Variants in MGMT observed in about 807,000 individuals in gnomAD.
MGMT encodes the protein O-6-methylguanine-DNA methyltransferase, also known as methylated-DNA--protein-cysteine methyltransferase.
Under a neutral mutation model 15.9 loss-of-function variants are expected in MGMT, and 14 were observed. The observed-to-expected ratio is 0.88, with a 90% CI of 0.58 to 1.37. MGMT has a LOEUF of 1.37. MGMT is among the 40% of genes most tolerant of loss of function. MGMT has a pLI of 0.00. For synonymous variants in MGMT, 130 were observed against 118.2 expected, an observed-to-expected ratio of 1.10 and a Z score of -0.65; for missense variants, 282 against 268.1, an observed-to-expected ratio of 1.05 and a Z score of -0.36.
chr10:129,722,231 G>A (rs984930722), intron 3 of MGMT, among the ~76,000 whole-genome samples: 1 of 152,048 alleles, frequency 6.6e-6, no homozygotes, highest in African/African-American at 2.4e-5. Flanking sequence ...AACATAAAAT[G>A]TATTCTATTT....
intron 2 of MGMT, among the ~76,000 whole-genome samples, chr10:129,581,080 G>A (rs1846549400): frequency 6.6e-6 from 1 of 152,326 alleles, no homozygotes; most frequent in Middle Eastern, 3.4e-3. Flanking sequence ...ATGCTACTTT[G>A]TAAGATAAGA....
intron 2 of MGMT, among the ~76,000 whole-genome samples, chr10:129,555,286 G>A (rs985685230): frequency 1.3e-5 from 2 of 152,138 alleles, no homozygotes; most frequent in African/African-American, 4.8e-5. Flanking sequence ...CTTTGAGCCC[G>A]CTCTGCCCGA....
intron 2 of MGMT, among the ~76,000 whole-genome samples, chr10:129,614,791 C>G (rs12777397): frequency 0.054 from 8,253 of 152,210 alleles, 315 homozygotes; most frequent in Middle Eastern, 0.082. Flanking sequence ...GGGCATTTTT[C>G]TGGTGTTCAA....
chr10:129,568,387 C>G (rs1036542779), intron 2 of MGMT, among the ~76,000 whole-genome samples: 2 of 152,182 alleles, frequency 1.3e-5, no homozygotes, highest in African/African-American at 2.4e-5. Flanking sequence ...AGCCCTCACT[C>G]AGGAAGCCCT....
chr10:129,661,573 T>C (rs1847598378), intron 2 of MGMT, among the ~76,000 whole-genome samples: 1 of 152,280 alleles, frequency 6.6e-6, no homozygotes, highest in South Asian at 2.1e-4. Context: ...TTTGCTTTTT[T>C]CGATTGTTTC....
At chr10:129,621,176 C>A (rs1847086434) in intron 2 of MGMT, among the ~76,000 whole-genome samples, 1 of 152,164 alleles carries the variant, frequency 6.6e-6, no homozygotes, top group Non-Finnish European at 1.5e-5. Flanking sequence ...CCACACTGGG[C>A]AGGGTGACTG....
chr10:129,753,184 G>A (rs1441302288), intron 3 of MGMT, among the ~76,000 whole-genome samples: 1 of 152,152 alleles, frequency 6.6e-6, no homozygotes, highest in Non-Finnish European at 1.5e-5. Flanking sequence ...AGTTTCTGAT[G>A]AGAATTCCAC....
chr10:129,704,375 A>T (rs1848134938), intron 2 of MGMT, among the ~76,000 whole-genome samples: 1 of 151,996 alleles, frequency 6.6e-6, no homozygotes, highest in East Asian at 1.9e-4. Context: ...TTGTGACGGG[A>T]CCGACAAGGG....
At chr10:129,589,970 G>A (rs770859498) in intron 2 of MGMT, among the ~76,000 whole-genome samples, 2 of 152,240 alleles carry the variant, frequency 1.3e-5, no homozygotes, top group Non-Finnish European at 2.9e-5. Context: ...GGAAGCCCTG[G>A]TTTGGGGTGA....
chr10:129,738,458 A>G (rs541526346), intron 3 of MGMT, among the ~76,000 whole-genome samples: 23 of 152,194 alleles, frequency 1.5e-4, no homozygotes, highest in African/African-American at 4.3e-4. Context: ...ACTGTCTGGC[A>G]CTCCCTAGTG....
At chr10:129,580,623 C>G (rs1379600938) in intron 2 of MGMT, among the ~76,000 whole-genome samples, 1 of 152,184 alleles carries the variant, frequency 6.6e-6, no homozygotes, top group Non-Finnish European at 1.5e-5. Context: ...AGACTGTGAG[C>G]CTGGGCTTCT....
intron 3 of MGMT, among the ~76,000 whole-genome samples, chr10:129,731,004 A>T (rs537463066): frequency 6.6e-6 from 1 of 152,310 alleles, no homozygotes; most frequent in South Asian, 2.1e-4. Context: ...AGCTTCAAGG[A>T]TGTGGTGCCT....
At chr10:129,497,073 T>G (rs1005047915) in intron 1 of MGMT, among the ~76,000 whole-genome samples, 6 of 152,140 alleles carry the variant, frequency 3.9e-5, no homozygotes, top group Non-Finnish European at 7.3e-5. Flanking sequence ...GTTTCTGATT[T>G]TAATAGGGGG....
chr10:129,580,122 G>A (rs1240305500), intron 2 of MGMT, among the ~76,000 whole-genome samples: 2 of 152,212 alleles, frequency 1.3e-5, no homozygotes, highest in Non-Finnish European at 2.9e-5. Context: ...GCGGGTTTTT[G>A]TTCTGAAGCC....
At chr10:129,650,900 C>A (rs1847449911) in intron 2 of MGMT, among the ~76,000 whole-genome samples, 1 of 152,172 alleles carries the variant, frequency 6.6e-6, no homozygotes, top group Admixed American at 6.5e-5. Context: ...GCTGCCCCTG[C>A]CTGCCATGGC....
chr10:129,645,354 T>C (rs2133092957), intron 2 of MGMT, among the ~76,000 whole-genome samples: 1 of 152,226 alleles, frequency 6.6e-6, no homozygotes, highest in South Asian at 2.1e-4. Context: ...ACTCCTGACC[T>C]CAGGTGATCC....
intron 3 of MGMT, among the ~76,000 whole-genome samples, chr10:129,740,419 T>C (rs1848617869): frequency 6.6e-6 from 1 of 152,130 alleles, no homozygotes; most frequent in African/African-American, 2.4e-5. Flanking sequence ...ACTCATGTCC[T>C]CTTACCAACT....
chr10:129,570,800 C>G (rs916291492), intron 2 of MGMT, among the ~76,000 whole-genome samples: 1 of 152,144 alleles, frequency 6.6e-6, no homozygotes, highest in African/African-American at 2.4e-5. Context: ...TATGAGGATT[C>G]TGCCTATCCT....
At chr10:129,671,744 A>G (rs1847726166) in intron 2 of MGMT, among the ~76,000 whole-genome samples, 1 of 152,220 alleles carries the variant, frequency 6.6e-6, no homozygotes, top group Non-Finnish European at 1.5e-5. Flanking sequence ...ATCTCATTCA[A>G]CAAAGAAATC....
Sources: gnomAD v4.1 joint callset for allele counts (sites outside exome capture counted in the v4.1 genomes callset) on GRCh38, gnomAD v4.1.1 for gene constraint, MANE v1.5 for transcripts, NCBI Gene and HGNC (gene_info 2026-07-23, HGNC 2026-07-21) for gene names.